The following SLIT3 variants were observed in gnomAD, a reference collection of about 807,000 sequenced individuals.
SLIT3 encodes the protein slit guidance ligand 3.
Under a neutral mutation model 184.0 loss-of-function variants are expected in SLIT3, and 68 were observed. The observed-to-expected ratio is 0.37, with a 90% CI of 0.30 to 0.45. SLIT3 has a LOEUF of 0.45. SLIT3 is among the 20% of genes least tolerant of loss of function. The probability of loss-of-function intolerance (pLI) is 1.00; values close to 1 mark genes in which losing one functional copy is unlikely to be tolerated. For synonymous variants in SLIT3, 831 were observed against 828.6 expected, an observed-to-expected ratio of 1.00 and a Z score of -0.05; for missense variants, 1,707 against 2,026.0, an observed-to-expected ratio of 0.84 and a Z score of 3.02.
At chr5:169,128,867 G>T (rs1297136357) in intron 4 of SLIT3, among the ~76,000 whole-genome samples, 1 of 152,110 alleles carries the variant, frequency 6.6e-6, no homozygotes, top group Non-Finnish European at 1.5e-5. Flanking sequence ...CACACTCCAG[G>T]CGACTGCAGC....
intron 20 of SLIT3, among the ~76,000 whole-genome samples, chr5:168,734,883 G>A (rs950718594): frequency 6.6e-6 from 1 of 152,214 alleles, no homozygotes; most frequent in African/African-American, 2.4e-5. Flanking sequence ...CGTTTGGCAT[G>A]ATGGAGCCAA....
chr5:168,845,407 G>T (rs1232839886), intron 5 of SLIT3, among the ~76,000 whole-genome samples: 1 of 152,168 alleles, frequency 6.6e-6, no homozygotes, highest in Non-Finnish European at 1.5e-5. Context: ...ATGAAGAGGG[G>T]AAGAAGGAAT....
At position 168,809,113 on chromosome 5, in the gene SLIT3, A is replaced by G. The variant is rs114939897; in HGVS notation, c.794-2526T>C. 3.6e-3 allele frequency among the ~76,000 whole-genome samples: 554 copies of G among 152,298 alleles called. 4 individuals are homozygous for G. Among genetic ancestry groups the G allele is most frequent in the African/African-American group, 0.013 (540 of 41,560 alleles). On this transcript the variant is annotated intron_variant, in intron 8 of 35. Transcript: ENST00000519560. ...AAAGATACCATATTCAAGGGCTTAT[A>G]ATGGCGGTGGAAGTTCTAACATGGA...
At position 169,146,945 on chromosome 5, in the gene SLIT3, T is replaced by C. The variant is rs532879079; in HGVS notation, c.413+46534A>G. On this transcript the variant is annotated intron_variant, in intron 4 of 35. Coordinates refer to ENST00000519560, the MANE Select transcript of SLIT3 (RefSeq NM_003062.4). ...TTCCTCATCTGTAGCATGGAGATAG[T>C]GATTGTGCCTATCTCACAGTGTGGT... Among the ~76,000 whole-genome samples, 257 of 152,360 alleles carry C rather than the reference T, an allele frequency of 1.7e-3. 3 individuals carry two copies. The highest frequency in any genetic ancestry group is 5.8e-3 in the African/African-American group (242 of 41,584).
rs185667654 is a variant in SLIT3 at position 169,182,539 on chromosome 5, T to C, written c.413+10940A>G. Among the ~76,000 whole-genome samples, 145 of 152,356 alleles carry C rather than the reference T, an allele frequency of 9.5e-4. 1 individual carries two copies. The highest frequency in any genetic ancestry group is 3.4e-3 in the Middle Eastern group (1 of 294). On this transcript the variant is annotated intron_variant, in intron 4 of 35. Transcript: ENST00000519560. ...TGAAATTATGCTAGAATTTGGGGCA[T>C]CAAATTAAAATACTATTTGTCCCCT... is the stretch of plus-strand genomic sequence containing the variant.
chr5:168,828,876 C>T (rs1000777367), intron 6 of SLIT3, among the ~76,000 whole-genome samples: 1 of 152,130 alleles, frequency 6.6e-6, no homozygotes, highest in Admixed American at 6.5e-5. Flanking sequence ...AGAGCCTTTA[C>T]TTAAGTGTAG....
intron 32 of SLIT3, among the ~76,000 whole-genome samples, chr5:168,679,885 A>G (rs1387120593): frequency 6.6e-6 from 1 of 152,210 alleles, no homozygotes; most frequent in Non-Finnish European, 1.5e-5. Context: ...TCCCTAAAAC[A>G]GGAGTGAGGA....
chr5:169,153,034 A>G (rs1379737617), intron 4 of SLIT3, among the ~76,000 whole-genome samples: 1 of 152,224 alleles, frequency 6.6e-6, no homozygotes, highest in Non-Finnish European at 1.5e-5. Flanking sequence ...AAGGCTCTGA[A>G]TGTCCCCATA....
chr5:169,162,814 A>C (rs1762520621), intron 4 of SLIT3, among the ~76,000 whole-genome samples: 2 of 152,044 alleles, frequency 1.3e-5, no homozygotes, highest in Non-Finnish European at 2.9e-5. Flanking sequence ...ACATGGTAGG[A>C]GGCTTAGTTG....
In SLIT3 at chr5:168,734,132, C is replaced by T. The variant is rs551577786; in HGVS notation, c.2271-9648G>A. Among the ~76,000 whole-genome samples the T allele has an allele frequency of 2.6e-5, 4 of 152,180 alleles. No homozygotes were observed. In the East Asian group the frequency reaches 5.8e-4, roughly 22 times the overall value. On this transcript the variant is annotated intron_variant, in intron 20 of 35. Transcript: ENST00000519560. ...TAAAAGCCCAGACTTTACCACAACACAATATATGCATGTAAGAAACCTGTA... is the reference window on the plus strand; with the variant it reads ...TAAAAGCCCAGACTTTACCACAACATAATATATGCATGTAAGAAACCTGTA...
At chr5:169,094,300 T>C (rs936815538) in intron 4 of SLIT3, among the ~76,000 whole-genome samples, 1 of 152,234 alleles carries the variant, frequency 6.6e-6, no homozygotes, top group African/African-American at 2.4e-5. Context: ...TAATAATGAC[T>C]TTGAGCCAGA....
intron 6 of SLIT3, among the ~76,000 whole-genome samples, chr5:168,839,196 G>A (rs1211997771): frequency 6.6e-6 from 1 of 152,140 alleles, no homozygotes; most frequent in Non-Finnish European, 1.5e-5. Context: ...CTCTCTCTGT[G>A]TGTCCACTCC....
chr5:168,704,644 A>G (rs1258802661), intron 26 of SLIT3, among the ~76,000 whole-genome samples: 1 of 152,226 alleles, frequency 6.6e-6, no homozygotes, highest in African/African-American at 2.4e-5. Flanking sequence ...ACAAGAGATA[A>G]TGTGTTTAAA....
chr5:169,290,372 TGCTAGGGCACAC>T (rs1401040789), intron 1 of SLIT3, among the ~76,000 whole-genome samples: 1 of 127,934 alleles, frequency 7.8e-6, no homozygotes, highest in Non-Finnish European at 1.7e-5. Flanking sequence ...CTAGTACATG[TGCTAGGGCACAC>T]GCTAGGGCAT....
At chr5:168,671,906 G>A (rs1761262041) in intron 33 of SLIT3, among the ~76,000 whole-genome samples, 1 of 152,108 alleles carries the variant, frequency 6.6e-6, no homozygotes, top group African/African-American at 2.4e-5. Flanking sequence ...GAGAATCCAG[G>A]GCAGGTGAGC....
intron 6 of SLIT3, among the ~76,000 whole-genome samples, chr5:168,830,691 C>T (rs1368299961): frequency 6.6e-6 from 1 of 152,196 alleles, no homozygotes; most frequent in East Asian, 1.9e-4. Context: ...ATTATTACTT[C>T]CACTTGGAAG....
At chr5:168,775,414 C>T (rs1482348881) in intron 12 of SLIT3, among the ~76,000 whole-genome samples, 1 of 152,140 alleles carries the variant, frequency 6.6e-6, no homozygotes, top group East Asian at 1.9e-4. Context: ...CTTCTTTCAG[C>T]AGGGCTGCCT....
intron 4 of SLIT3, among the ~76,000 whole-genome samples, chr5:168,955,692 A>G (rs1236381753): frequency 6.6e-6 from 1 of 152,208 alleles, no homozygotes; most frequent in African/African-American, 2.4e-5. Context: ...AGAAAGCACA[A>G]TGGCCTTAGG....
At chr5:169,004,720 A>G (rs988437305) in intron 4 of SLIT3, among the ~76,000 whole-genome samples, 1 of 152,064 alleles carries the variant, frequency 6.6e-6, no homozygotes, top group Non-Finnish European at 1.5e-5. Context: ...TTGGGAAGGA[A>G]TTAGGTATAG....
Sources: allele counts gnomAD v4.1 joint callset (sites outside exome capture counted in the v4.1 genomes callset), GRCh38; gene constraint gnomAD v4.1.1; transcripts MANE v1.5; gene names NCBI Gene and HGNC (gene_info 2026-07-23, HGNC 2026-07-21).